Variants in STXBP6 observed in about 807,000 individuals in gnomAD.
The protein encoded by STXBP6 is syntaxin-binding protein 6.
In STXBP6, 21 loss-of-function variants were observed where a neutral mutation model predicts 26.9. The ratio of observed to expected loss-of-function variants is 0.78; its 90% CI spans 0.55 to 1.12. The LOEUF (loss-of-function observed/expected upper bound fraction) is 1.12, where lower values mean the gene tolerates loss of function less well. Ranked by LOEUF, STXBP6 falls within the 50% of genes most tolerant of loss-of-function variation. STXBP6 has a pLI of 0.00. For synonymous variants in STXBP6, 97 were observed against 92.6 expected (o/e 1.05, Z -0.27); for missense variants, 232 against 257.9 (o/e 0.90, Z 0.69).
intron 2 of STXBP6, among the ~76,000 whole-genome samples, chr14:24,945,619 C>T (rs1441751989): frequency 6.6e-6 from 1 of 151,984 alleles, no homozygotes; most frequent in Non-Finnish European, 1.5e-5. Context: ...ACAAACAAGG[C>T]AAATTAGATA....
chr14:24,962,529 C>T (rs1180870918), intron 2 of STXBP6, among the ~76,000 whole-genome samples: 1 of 151,822 alleles, frequency 6.6e-6, no homozygotes, highest in African/African-American at 2.4e-5. Flanking sequence ...GGTTTCTCCA[C>T]GTTGGCCAGG....
intron 4 of STXBP6, among the ~76,000 whole-genome samples, chr14:24,831,791 G>C (rs2068460878): frequency 6.6e-6 from 1 of 151,972 alleles, no homozygotes; most frequent in East Asian, 1.9e-4. Context: ...AGGTTCTCTG[G>C]GAGTGCAGCA....
chr14:25,038,640 A>G (rs2075592194), intron 1 of STXBP6, among the ~76,000 whole-genome samples: 2 of 152,200 alleles, frequency 1.3e-5, no homozygotes, highest in Admixed American at 6.5e-5. Context: ...AGAAGGGAAC[A>G]ATAGACATTA....
intron 2 of STXBP6, among the ~76,000 whole-genome samples, chr14:24,872,206 C>CCAAATGGGTCTCAGAAGATA (rs1248842472): frequency 6.6e-6 from 1 of 151,982 alleles, no homozygotes; most frequent in East Asian, 1.9e-4. Flanking sequence ...AATAAGAAAT[C>CCAAATGGGTCTCAGAAGATA]CAAATGGGTC....
chr14:24,845,057 G>T (rs1262758735), intron 4 of STXBP6, among the ~76,000 whole-genome samples: 1 of 151,484 alleles, frequency 6.6e-6, no homozygotes, highest in Non-Finnish European at 1.5e-5. Context: ...TGTCGCCCAG[G>T]CTGGAATGCA....
In STXBP6 at chr14:24,860,001, C is replaced by A. The variant is rs546152596; in HGVS notation, c.155-2844G>T. On this transcript the variant is annotated intron_variant, in intron 2 of 5. Coordinates refer to ENST00000323944, the MANE Select transcript of STXBP6 (RefSeq NM_001394410.1). Reference sequence around the variant, plus strand: ...GGCTTCATGCCTCTTCTTTGGCTTTCATGTAGACTTGCTACTACCTTTCAG... The same window carrying A: ...GGCTTCATGCCTCTTCTTTGGCTTTAATGTAGACTTGCTACTACCTTTCAG... Among the ~76,000 whole-genome samples, 3 of 152,342 alleles carry A rather than the reference C, an allele frequency of 2.0e-5. No individual in the cohort carries two copies. In the East Asian group the frequency reaches 5.8e-4, roughly 29 times the overall value.
intron 2 of STXBP6, among the ~76,000 whole-genome samples, chr14:24,945,075 G>A (rs1469488903): frequency 5.4e-5 from 8 of 146,974 alleles, no homozygotes; most frequent in African/African-American, 2.0e-4. Context: ...GTCTCCAAGG[G>A]CTCACAATTT....
intron 2 of STXBP6, among the ~76,000 whole-genome samples, chr14:24,918,818 T>G (rs1419610385): frequency 6.6e-6 from 1 of 152,034 alleles, no homozygotes; most frequent in Non-Finnish European, 1.5e-5. Flanking sequence ...AACTGTCAAA[T>G]ATTTGGTCTA....
intron 2 of STXBP6, among the ~76,000 whole-genome samples, chr14:24,959,097 CACT>C (rs1377543996): frequency 6.6e-6 from 1 of 152,174 alleles, no homozygotes; most frequent in Non-Finnish European, 1.5e-5. Context: ...TTACCACCAC[CACT>C]ACCACTAGTT....
intron 2 of STXBP6, among the ~76,000 whole-genome samples, chr14:24,924,864 G>A (rs764081996): frequency 1.9e-4 from 29 of 152,174 alleles, no homozygotes; most frequent in Admixed American, 3.3e-4. Flanking sequence ...GCAAAGATAA[G>A]TTCAGGAAAT....
intron 1 of STXBP6, among the ~76,000 whole-genome samples, chr14:25,019,687 T>C (rs2075225506): frequency 6.6e-6 from 1 of 152,196 alleles, no homozygotes; most frequent in African/African-American, 2.4e-5. Flanking sequence ...CCATGCTTTA[T>C]TTACCTAATC....
At chr14:24,909,197 G>A (rs1320173242) in intron 2 of STXBP6, among the ~76,000 whole-genome samples, 1 of 152,148 alleles carries the variant, frequency 6.6e-6, no homozygotes, top group Admixed American at 6.5e-5. Flanking sequence ...CTACACATTG[G>A]CACATAAGCC....
At chr14:24,935,609 T>A (rs2072566560) in intron 2 of STXBP6, among the ~76,000 whole-genome samples, 1 of 152,190 alleles carries the variant, frequency 6.6e-6, no homozygotes. Context: ...TTATATGGGC[T>A]TTGCATACAA....
chr14:24,954,635 G>A (rs1262979858), intron 2 of STXBP6, among the ~76,000 whole-genome samples: 1 of 152,180 alleles, frequency 6.6e-6, no homozygotes, highest in Non-Finnish European at 1.5e-5. Flanking sequence ...GGAGGAGCTA[G>A]GGGATGAGAG....
At chr14:25,015,635 T>C (rs1251701924) in intron 1 of STXBP6, among the ~76,000 whole-genome samples, 1 of 152,172 alleles carries the variant, frequency 6.6e-6, no homozygotes, top group African/African-American at 2.4e-5. Context: ...ACTGAAAGAA[T>C]ATGTGCACCA....
chr14:24,937,872 ATT>A (rs987526878), intron 2 of STXBP6, among the ~76,000 whole-genome samples: 36 of 152,260 alleles, frequency 2.4e-4, no homozygotes, highest in African/African-American at 8.4e-4. Flanking sequence ...GTTTTCAGAT[ATT>A]TTGTTAATTA....
At chr14:24,998,790 T>C (rs917523981) in intron 1 of STXBP6, among the ~76,000 whole-genome samples, 1 of 152,220 alleles carries the variant, frequency 6.6e-6, no homozygotes, top group African/African-American at 2.4e-5. Flanking sequence ...ATTTGGGTAA[T>C]ATTATTTTAC....
At chr14:25,047,706 G>A (rs1436648897) in intron 1 of STXBP6, among the ~76,000 whole-genome samples, 1 of 152,208 alleles carries the variant, frequency 6.6e-6, no homozygotes, top group South Asian at 2.1e-4. Flanking sequence ...TGCACCTGGG[G>A]TGGCTCAGGA....
At chr14:24,837,892 G>A (rs2068665197) in intron 4 of STXBP6, among the ~76,000 whole-genome samples, 2 of 152,086 alleles carry the variant, frequency 1.3e-5, no homozygotes, top group Non-Finnish European at 1.5e-5. Flanking sequence ...GTGGATGGCT[G>A]GAAATAACAA....
Sources: allele counts gnomAD v4.1 joint callset (sites outside exome capture counted in the v4.1 genomes callset), GRCh38; gene constraint gnomAD v4.1.1; transcripts MANE v1.5; gene names NCBI Gene and HGNC (gene_info 2026-07-23, HGNC 2026-07-21).